SCAPER: variants seen among roughly 807,000 people sequenced by gnomAD.
SCAPER encodes S phase cyclin A-associated protein in the endoplasmic reticulum.
A neutral mutation model predicts 182.2 loss-of-function variants in SCAPER; 98 were observed. The ratio of observed to expected loss-of-function variants is 0.54; its 90% CI spans 0.46 to 0.64. The LOEUF (loss-of-function observed/expected upper bound fraction) is 0.64. Ranked by LOEUF, SCAPER falls within the 30% of genes least tolerant of loss-of-function variation. The pLI, the probability that SCAPER is intolerant of heterozygous loss-of-function variation, is 0.00. For synonymous variants in SCAPER, 605 were observed against 564.6 expected (o/e 1.07, Z -1.01); for missense variants, 1,432 against 1,690.0 (o/e 0.85, Z 2.68).
At chr15:76,876,250 G>A (rs913775546) in intron 2 of SCAPER, among the ~76,000 whole-genome samples, 2 of 152,128 alleles carry the variant, frequency 1.3e-5, no homozygotes, top group Non-Finnish European at 2.9e-5. Context: ...CCAGCCCAGA[G>A]AGGGGCCCCC....
intron 25 of SCAPER, among the ~76,000 whole-genome samples, chr15:76,452,143 A>T (rs1468868712): frequency 6.6e-6 from 1 of 152,090 alleles, no homozygotes; most frequent in Non-Finnish European, 1.5e-5. Flanking sequence ...TATTGTATGA[A>T]TCTTACCCTT....
chr15:76,492,998 C>T (rs1388261370), intron 24 of SCAPER, among the ~76,000 whole-genome samples: 3 of 151,736 alleles, frequency 2.0e-5, no homozygotes, highest in African/African-American at 7.3e-5. Context: ...ATCTACAATG[C>T]CTTCCCTGTC....
Position 76,765,085 on chromosome 15 carries a change from A to G in SCAPER, c.1614-13T>C. On this transcript the variant is annotated splice_polypyrimidine_tract_variant and intron_variant, in intron 13 of 31. Coordinates refer to ENST00000563290, the MANE Select transcript of SCAPER (RefSeq NM_020843.4). ...TTCTGCAATTGTTCTATTAATACAAACAAATGGACAAGAGACATGAAATGT... is the reference window on the plus strand; with the variant it reads ...TTCTGCAATTGTTCTATTAATACAAGCAAATGGACAAGAGACATGAAATGT... 2 of 1,492,292 alleles carry G rather than the reference A, an allele frequency of 1.3e-6. No homozygotes were observed. The highest frequency in any genetic ancestry group is 1.8e-6 in the Non-Finnish European group (2 of 1,095,502). 92.4% of individuals were successfully genotyped at this position (1,492,292 alleles called of 1,614,324 possible).
intron 20 of SCAPER, among the ~76,000 whole-genome samples, chr15:76,680,577 T>A (rs1047425528): frequency 2.0e-5 from 3 of 152,082 alleles, no homozygotes; most frequent in Admixed American, 2.0e-4. Flanking sequence ...TGGGAAGTTA[T>A]TGGGTGATGG....
intron 21 of SCAPER, among the ~76,000 whole-genome samples, chr15:76,640,632 T>C (rs1021923405): frequency 2.6e-5 from 4 of 152,164 alleles, no homozygotes; most frequent in Admixed American, 6.5e-5. Context: ...ATATGTAAAA[T>C]TGGAAAAAAT....
chr15:76,607,234 T>C (rs1408184778), intron 22 of SCAPER, among the ~76,000 whole-genome samples: 1 of 152,246 alleles, frequency 6.6e-6, no homozygotes, highest in Non-Finnish European at 1.5e-5. Context: ...TCTCTCAGCA[T>C]TTACTTGTCT....
At chr15:76,645,109 A>T (rs2054435249) in intron 21 of SCAPER, among the ~76,000 whole-genome samples, 3 of 152,168 alleles carry the variant, frequency 2.0e-5, no homozygotes, top group African/African-American at 7.2e-5. Context: ...TAGCATATGC[A>T]CTGCATTACA....
At chr15:76,511,530 A>G (rs1022376404) in intron 23 of SCAPER, among the ~76,000 whole-genome samples, 1 of 152,212 alleles carries the variant, frequency 6.6e-6, no homozygotes, top group African/African-American at 2.4e-5. Context: ...CACGGACCTC[A>G]GAATGATCCC....
At position 76,712,514 on chromosome 15, in the gene SCAPER, T is replaced by C. The variant is rs2059644993; in HGVS notation, c.2166-6530A>G. 2.6e-5 allele frequency among the ~76,000 whole-genome samples: 4 copies of C among 152,340 alleles called. No homozygotes were observed. The South Asian group carries it at 6.2e-4, about 24-fold the overall frequency. Reference sequence around the variant, plus strand: ...CTTGATGGGGATGGCACTGAATCTATAAATTACCTTGGGCAGTATGGCCAT... The same window carrying C: ...CTTGATGGGGATGGCACTGAATCTACAAATTACCTTGGGCAGTATGGCCAT... On this transcript the variant is annotated intron_variant, in intron 17 of 31. Coordinates refer to ENST00000563290, the MANE Select transcript of SCAPER (RefSeq NM_020843.4).
intron 8 of SCAPER, among the ~76,000 whole-genome samples, chr15:76,792,997 C>T (rs185354536): frequency 1.3e-5 from 2 of 152,352 alleles, no homozygotes; most frequent in Admixed American, 1.3e-4. Flanking sequence ...TCAGTTACCA[C>T]CATCTTTCTC....
intron 21 of SCAPER, among the ~76,000 whole-genome samples, chr15:76,652,815 C>G (rs1355850601): frequency 6.6e-6 from 1 of 151,944 alleles, no homozygotes; most frequent in Non-Finnish European, 1.5e-5. Context: ...GGATCTGGAA[C>G]AAGACAAGGA....
chr15:76,570,895 C>G lies in SCAPER; in HGVS notation c.2838+3263G>C, dbSNP rs1021149892. On this transcript the variant is annotated intron_variant, in intron 23 of 31. Coordinates refer to ENST00000563290, the MANE Select transcript of SCAPER (RefSeq NM_020843.4). ...ATATGGGTGATGTGAATTTGAGCAG[C>G]AAATCTATGCCAGGGGTTGGACTAT... 1.4e-4 allele frequency among the ~76,000 whole-genome samples: 22 copies of G among 152,000 alleles called. 1 individual carries two copies. Among genetic ancestry groups the G allele is most frequent in the Non-Finnish European group, 2.9e-5 (2 of 67,980 alleles).
chr15:76,815,401 G>A (rs972869881), intron 5 of SCAPER, among the ~76,000 whole-genome samples: 2 of 152,160 alleles, frequency 1.3e-5, no homozygotes, highest in African/African-American at 4.8e-5. Flanking sequence ...AAATTGTGGT[G>A]TATATATACA....
At chr15:76,866,257 G>A (rs555420298) in intron 2 of SCAPER, among the ~76,000 whole-genome samples, 15 of 152,132 alleles carry the variant, frequency 9.9e-5, no homozygotes, top group Admixed American at 9.2e-4. Context: ...GTGTGTGTGT[G>A]TGCGTGTGTG....
intron 17 of SCAPER, among the ~76,000 whole-genome samples, chr15:76,723,268 G>C (rs1402785862): frequency 6.6e-6 from 1 of 152,084 alleles, no homozygotes; most frequent in East Asian, 1.9e-4. Context: ...CTGAGTTCTA[G>C]TTTGATTGCA....
intron 27 of SCAPER, 120 bp from the exon 28 acceptor site, chr15:76,381,735 A>G: frequency 1.3e-6 from 1 of 779,056 alleles, no homozygotes; most frequent in Non-Finnish European, 2.0e-6. Flanking sequence ...GTTGTATAGT[A>G]TGGTAACAAG....
At chr15:76,850,859 C>CAAAAAAAAAAA (rs59202490) in intron 4 of SCAPER, among the ~76,000 whole-genome samples, 5 of 90,042 alleles carry the variant, frequency 5.6e-5, no homozygotes, top group Non-Finnish European at 9.1e-5. Context: ...GACTCTGTCT[C>CAAAAAAAAAAA]AAAAAAAAAA....
rs111267678 is a variant in SCAPER, at chr15:76,876,053, C to A, written c.6+7759G>T. ...GCACTGCTGGGGGACCCAGCGCACCCTCCCAGCTGCTGGCCCAGGTGCTAA... is the reference window on the plus strand; with the variant it reads ...GCACTGCTGGGGGACCCAGCGCACCATCCCAGCTGCTGGCCCAGGTGCTAA... On this transcript the variant is annotated intron_variant, in intron 2 of 31. Transcript: ENST00000563290. Among the ~76,000 whole-genome samples, 1,195 of 152,322 alleles carry A rather than the reference C, an allele frequency of 7.8e-3. 11 individuals carry two copies. The highest frequency in any genetic ancestry group is 0.027 in the African/African-American group (1,134 of 41,572).
chr15:76,816,001 A>C (rs1191103343), intron 5 of SCAPER, among the ~76,000 whole-genome samples: 2 of 152,224 alleles, frequency 1.3e-5, no homozygotes, highest in Non-Finnish European at 2.9e-5. Flanking sequence ...AATATTTTTA[A>C]AATGATAAAC....
Sources: allele counts gnomAD v4.1 joint callset (sites outside exome capture counted in the v4.1 genomes callset), GRCh38; gene constraint gnomAD v4.1.1; transcripts MANE v1.5; gene names NCBI Gene and HGNC (gene_info 2026-07-23, HGNC 2026-07-21).